The following NTN4 variants were observed in gnomAD, a reference collection of about 807,000 sequenced individuals.
NTN4 encodes the protein netrin-4.
NTN4 carries 32 observed loss-of-function variants against 73.6 expected under a neutral mutation model. The observed-to-expected ratio is 0.44, with a 90% CI of 0.33 to 0.58. The LOEUF (loss-of-function observed/expected upper bound fraction) is 0.58. Ranked by LOEUF, NTN4 falls within the 20% of genes least tolerant of loss-of-function variation. The pLI is 0.04. For synonymous variants in NTN4, 258 were observed against 287.5 expected (o/e 0.90, Z 1.04); for missense variants, 654 against 798.3 (o/e 0.82, Z 2.18).
Position 95,787,175 on chromosome 12 carries a change from T to A in NTN4, c.349A>T (p.Ile117Phe). ...AATTCAGCTTCCAGGTCTAACTGGA[T>A]CTTTTCTCTGTGCACATCCTCCGCA... is the stretch of plus-strand genomic sequence containing the variant. ...QSAEDVHREK[I>F]QLDLEAEFYF... The change falls in exon 2 of 10, where the codon ATC becomes TTC. Residue 117 changes from isoleucine (I) to phenylalanine (F), a missense_variant. Coordinates refer to ENST00000343702, the MANE Select transcript of NTN4 (RefSeq NM_021229.4). The A allele has an allele frequency of 6.2e-7, 1 of 1,614,150 alleles. No homozygotes were observed. Among genetic ancestry groups the A allele is most frequent in the Non-Finnish European group, 8.5e-7 (1 of 1,180,020 alleles).
intron 2 of NTN4, among the ~76,000 whole-genome samples, chr12:95,743,329 T>TTTC (rs1450512581): frequency 5.9e-5 from 9 of 152,344 alleles, no homozygotes; most frequent in Middle Eastern, 3.4e-3. Flanking sequence ...TATTATTTAC[T>TTTC]TTCTTCTGCT....
chr12:95,664,548 GCTCT>G (rs914624585), intron 9 of NTN4, among the ~76,000 whole-genome samples: 5 of 151,692 alleles, frequency 3.3e-5, no homozygotes, highest in African/African-American at 1.2e-4. Context: ...GTTAGTTTAT[GCTCT>G]CTTTCTCTTT....
intron 2 of NTN4, among the ~76,000 whole-genome samples, chr12:95,743,272 C>G (rs1209872620): frequency 6.6e-6 from 1 of 152,030 alleles, no homozygotes; most frequent in Non-Finnish European, 1.5e-5. Context: ...ATGATTTTCT[C>G]TATTGTTTTT....
chr12:95,777,190 C>A (rs1283303415), intron 2 of NTN4, among the ~76,000 whole-genome samples: 1 of 152,158 alleles, frequency 6.6e-6, no homozygotes, highest in East Asian at 1.9e-4. Flanking sequence ...ACAACCAGTA[C>A]CAGCCACTGC....
chr12:95,706,097 C>T (rs750443442), intron 5 of NTN4, among the ~76,000 whole-genome samples: 2 of 152,142 alleles, frequency 1.3e-5, no homozygotes, highest in African/African-American at 4.8e-5. Flanking sequence ...ACTTGTTTTG[C>T]ACAAGTCTCT....
intron 2 of NTN4, among the ~76,000 whole-genome samples, chr12:95,771,207 T>C (rs909394442): frequency 6.6e-6 from 1 of 152,040 alleles, no homozygotes; most frequent in African/African-American, 2.4e-5. Context: ...GCCAGGATGG[T>C]CTCGATCTCC....
chr12:95,767,732 C>A (rs969377827), intron 2 of NTN4, among the ~76,000 whole-genome samples: 3 of 152,216 alleles, frequency 2.0e-5, no homozygotes, highest in Non-Finnish European at 2.9e-5. Context: ...AACGCCCCCC[C>A]TCCAAGTGAA....
intron 1 of NTN4, among the ~76,000 whole-genome samples, chr12:95,788,518 CAG>C (rs140612956): frequency 0.045 from 6,810 of 152,154 alleles, 499 homozygotes; most frequent in African/African-American, 0.15. Flanking sequence ...AAGGTTAAAA[CAG>C]AGGGGGAAAG....
At chr12:95,728,573 T>G (rs1282005176) in intron 3 of NTN4, among the ~76,000 whole-genome samples, 5 of 152,244 alleles carry the variant, frequency 3.3e-5, no homozygotes, top group Non-Finnish European at 5.9e-5. Flanking sequence ...ATTTTTTGCC[T>G]CTGTTCAGCC....
chr12:95,701,528 T>C (rs1037580823), intron 5 of NTN4, among the ~76,000 whole-genome samples: 7 of 152,098 alleles, frequency 4.6e-5, no homozygotes, highest in Non-Finnish European at 8.8e-5. Flanking sequence ...GGCATGGTAA[T>C]GTGTAGTTGA....
At chr12:95,748,230 C>CAAAAAAAAAAAAAA (rs769213172) in intron 2 of NTN4, among the ~76,000 whole-genome samples, 1 of 76,552 alleles carries the variant, frequency 1.3e-5, no homozygotes, top group African/African-American at 5.0e-5. Flanking sequence ...GACTCTGTCT[C>CAAAAAAAAAAAAAA]AAAAAAAAAA....
Position 95,710,467 on chromosome 12 carries a change from G to A in NTN4, c.1154C>T (p.Pro385Leu). The change falls in exon 5 of 10, where the codon CCC becomes CTC. Residue 385 changes from proline to leucine, a missense_variant. By Grantham distance (98) the Pro-to-Leu change is moderately conservative (BLOSUM62 -3). Coordinates refer to ENST00000343702, the MANE Select transcript of NTN4 (RefSeq NM_021229.4). ...KPGFYRDLRR[P>L]FSAPDACKPC... Reference sequence around the variant, plus strand: ...TTTGCAAGCATCTGGAGCTGAGAAGGGTCTCCGCAGGTCACGATAGAAGCC... The same window carrying A: ...TTTGCAAGCATCTGGAGCTGAGAAGAGTCTCCGCAGGTCACGATAGAAGCC... 6.2e-7 allele frequency: 1 copy of A among 1,613,868 alleles called. No individual in the cohort carries two copies. Among genetic ancestry groups the A allele is most frequent in the Non-Finnish European group, 8.5e-7 (1 of 1,179,890 alleles).
In NTN4 at chr12:95,746,268, C is replaced by T. The variant is rs189209854; in HGVS notation, c.586-8124G>A. ...CCGATTGATAACACCCAAAGCCCCG[C>T]GTCTATCACCTTGTAATAGTCTTAA... On this transcript the variant is annotated intron_variant, in intron 2 of 9. Coordinates refer to ENST00000343702, the MANE Select transcript of NTN4 (RefSeq NM_021229.4). Among the ~76,000 whole-genome samples the T allele has an allele frequency of 5.5e-4, 83 of 152,282 alleles. 1 individual carries two copies. Among genetic ancestry groups the T allele is most frequent in the East Asian group, 1.9e-4 (1 of 5,188 alleles).
intron 9 of NTN4, among the ~76,000 whole-genome samples, chr12:95,660,257 T>C (rs1833473): frequency 0.84 from 126,954 of 151,966 alleles, 53,324 homozygotes; most frequent in African/African-American, 0.93. Flanking sequence ...TCAGGTGATC[T>C]GCCTGCCTCG....
intron 5 of NTN4, among the ~76,000 whole-genome samples, chr12:95,703,660 A>G (rs1297899154): frequency 6.6e-6 from 1 of 152,226 alleles, no homozygotes; most frequent in Non-Finnish European, 1.5e-5. Flanking sequence ...TTCTATTAAC[A>G]TTTCATAGAA....
intron 4 of NTN4, 63 bp from the exon 5 acceptor site, chr12:95,710,692 T>A (rs2078558809): frequency 6.7e-7 from 1 of 1,485,030 alleles, no homozygotes; most frequent in Admixed American, 1.8e-5. Context: ...GGTTATCTCA[T>A]ATTCAGATAG....
At chr12:95,673,672 A>T (rs1407199522) in intron 7 of NTN4, 1 of 152,508 alleles carries the variant, frequency 6.6e-6, no homozygotes, top group East Asian at 1.9e-4. Flanking sequence ...CAAAACCATA[A>T]TCCTTCTCGG....
At chr12:95,736,689 G>A (rs1300867170) in intron 3 of NTN4, among the ~76,000 whole-genome samples, 5 of 152,186 alleles carry the variant, frequency 3.3e-5, no homozygotes, top group Non-Finnish European at 7.3e-5. Context: ...AAACTAGCAG[G>A]TATCTGTTGA....
In NTN4 at chr12:95,738,154, G is replaced by C. The variant is rs775796427; in HGVS notation, c.586-10C>G. 6.2e-7 allele frequency: 1 copy of C among 1,606,510 alleles called. No individual in the cohort carries two copies. Among genetic ancestry groups the C allele is most frequent in the Non-Finnish European group, 8.5e-7 (1 of 1,175,798 alleles). ...AAGCTTTGAAAATAACCTGTAAGGA[G>C]AAAGAAAATACCATGCGTTTATAGG... is the stretch of plus-strand genomic sequence containing the variant. On this transcript the variant is annotated splice_polypyrimidine_tract_variant and intron_variant, in intron 2 of 9. Transcript: ENST00000343702.
Sources: gnomAD v4.1 joint callset for allele counts (sites outside exome capture counted in the v4.1 genomes callset) on GRCh38, gnomAD v4.1.1 for gene constraint, MANE v1.5 for transcripts, NCBI Gene and HGNC (gene_info 2026-07-23, HGNC 2026-07-21) for gene names.